PLXNA4: variants seen among roughly 807,000 people sequenced by gnomAD.
PLXNA4 encodes plexin A4.
PLXNA4 carries 44 observed loss-of-function variants against 191.8 expected under a neutral mutation model. That is an observed-to-expected ratio of 0.23 (90% confidence interval 0.18 to 0.29). The LOEUF is 0.29. Among genes scored for constraint, PLXNA4 ranks in the 10% least tolerant of loss-of-function variants. The pLI is 1.00. For synonymous variants in PLXNA4, 1,082 were observed against 1,009.5 expected, an observed-to-expected ratio of 1.07 and a Z score of -1.36; for missense variants, 1,800 against 2,488.8, an observed-to-expected ratio of 0.72 and a Z score of 5.89.
At position 132,345,468 on chromosome 7, in the gene PLXNA4, C is replaced by T. The variant is rs190491677; in HGVS notation, c.1372-47246G>A. On this transcript the variant is annotated intron_variant, in intron 3 of 31. Coordinates refer to ENST00000321063, the MANE Select transcript of PLXNA4 (RefSeq NM_020911.2). ...TCTCCTGCAGAAAAACATGTTACAT[C>T]TCATCCACAATTACAACAACTACCT... Among the ~76,000 whole-genome samples the T allele has an allele frequency of 4.5e-4, 68 of 152,312 alleles. 2 individuals carry two copies. Among genetic ancestry groups the T allele is most frequent in the Admixed American group, 4.4e-3 (68 of 15,292 alleles).
chr7:132,237,793 C>T (rs1156351345), intron 5 of PLXNA4, among the ~76,000 whole-genome samples: 2 of 152,180 alleles, frequency 1.3e-5, no homozygotes, highest in African/African-American at 2.4e-5. Flanking sequence ...AAGTTTCTGA[C>T]ATACGGAGTT....
intron 1 of PLXNA4, among the ~76,000 whole-genome samples, chr7:132,526,729 A>AATC (rs1404579363): frequency 1.3e-5 from 2 of 152,148 alleles, no homozygotes; most frequent in African/African-American, 4.8e-5. Flanking sequence ...GAAGGAGGTG[A>AATC]ACATTTATGG....
intron 3 of PLXNA4, among the ~76,000 whole-genome samples, chr7:132,483,518 A>G (rs1456315640): frequency 6.6e-6 from 1 of 152,204 alleles, no homozygotes; most frequent in East Asian, 1.9e-4. Flanking sequence ...ACAATATTTT[A>G]CTTCAATTGC....
At chr7:132,372,451 T>C (rs936635787) in intron 3 of PLXNA4, among the ~76,000 whole-genome samples, 8 of 152,246 alleles carry the variant, frequency 5.3e-5, no homozygotes, top group Non-Finnish European at 2.9e-5. Context: ...GATTTGTGGA[T>C]GACAGTCCTC....
intron 1 of PLXNA4, among the ~76,000 whole-genome samples, chr7:132,528,450 A>G (rs1799497155): frequency 1.3e-5 from 2 of 152,206 alleles, no homozygotes; most frequent in Admixed American, 6.5e-5. Flanking sequence ...CATGATTGGA[A>G]TAAGCCAATG....
intron 25 of PLXNA4, among the ~76,000 whole-genome samples, chr7:132,158,481 G>T (rs1044297237): frequency 6.6e-6 from 1 of 152,092 alleles, no homozygotes; most frequent in Non-Finnish European, 1.5e-5. Context: ...CAACAAACAG[G>T]CACAGACAGT....
chr7:132,226,497 G>C (rs988074332), intron 7 of PLXNA4, among the ~76,000 whole-genome samples: 38 of 152,246 alleles, frequency 2.5e-4, no homozygotes, highest in African/African-American at 8.4e-4. Context: ...TACACACACA[G>C]ATGCACACTG....
intron 2 of PLXNA4, among the ~76,000 whole-genome samples, chr7:132,639,188 A>T (rs565715415): frequency 1.2e-3 from 189 of 152,324 alleles, no homozygotes; most frequent in Middle Eastern, 6.8e-3. Flanking sequence ...GTGCTGATCC[A>T]TCCTCCATAT....
At chr7:132,529,182 C>A (rs1799527368) in intron 1 of PLXNA4, among the ~76,000 whole-genome samples, 1 of 152,208 alleles carries the variant, frequency 6.6e-6, no homozygotes, top group Admixed American at 6.5e-5. Context: ...CCCTACCTGG[C>A]AGCCACTGGC....
intron 8 of PLXNA4, among the ~76,000 whole-genome samples, chr7:132,225,177 C>T (rs906939802): frequency 6.6e-5 from 10 of 152,202 alleles, no homozygotes; most frequent in African/African-American, 2.4e-4. Context: ...CATTCACAAC[C>T]TGGTCCAACC....
intron 23 of PLXNA4, among the ~76,000 whole-genome samples, chr7:132,164,552 T>C (rs1796043314): frequency 6.6e-6 from 1 of 152,120 alleles, no homozygotes; most frequent in Non-Finnish European, 1.5e-5. Flanking sequence ...GGGCTCTTTC[T>C]TCCTCCCCCG....
In PLXNA4 at chr7:132,146,466, C is replaced by T. The variant is rs1419534466; in HGVS notation, c.5055+44G>A. On this transcript the variant is annotated intron_variant, in intron 28 of 31. Coordinates refer to ENST00000321063, the MANE Select transcript of PLXNA4 (RefSeq NM_020911.2). ...TTCTGTGGGCTGATGAAGTCCCTCT[C>T]CATAGCCTCTGGGCTCCCTGCACCC... 3 of 1,614,010 alleles carry T rather than the reference C, an allele frequency of 1.9e-6. No homozygotes were observed. In the African/African-American group the frequency reaches 4.0e-5, roughly 22 times the overall value.
intron 1 of PLXNA4, among the ~76,000 whole-genome samples, chr7:132,511,386 A>G (rs577756084): frequency 1.3e-5 from 2 of 152,250 alleles, no homozygotes; most frequent in Admixed American, 1.3e-4. Flanking sequence ...TGCAAAATCC[A>G]TACTTTTCTA....
At chr7:132,572,907 A>G (rs1802045231) in intron 1 of PLXNA4, among the ~76,000 whole-genome samples, 2 of 152,224 alleles carry the variant, frequency 1.3e-5, no homozygotes, top group Non-Finnish European at 2.9e-5. Flanking sequence ...TCTCCCAAAC[A>G]GCCATTTATT....
At chr7:132,613,604 A>G (rs1803095044) in intron 2 of PLXNA4, among the ~76,000 whole-genome samples, 1 of 152,132 alleles carries the variant, frequency 6.6e-6, no homozygotes, top group Non-Finnish European at 1.5e-5. Flanking sequence ...TGTGTCAGTG[A>G]GTGGGCGACG....
chr7:132,474,962 G>C (rs1797070615), intron 3 of PLXNA4, among the ~76,000 whole-genome samples: 1 of 152,152 alleles, frequency 6.6e-6, no homozygotes, highest in African/African-American at 2.4e-5. Context: ...TGGAGGGAGG[G>C]TGCATACATT....
chr7:132,480,863 C>T (rs1020865756), intron 3 of PLXNA4, among the ~76,000 whole-genome samples: 13 of 152,174 alleles, frequency 8.5e-5, no homozygotes, highest in South Asian at 2.1e-4. Context: ...GGAGTCCCGT[C>T]GTTTCTAAGG....
chr7:132,251,616 C>CTTCTAGCAAG (rs1370362960), intron 4 of PLXNA4, among the ~76,000 whole-genome samples: 2 of 152,184 alleles, frequency 1.3e-5, no homozygotes, highest in Non-Finnish European at 1.5e-5. Flanking sequence ...CTCTGCTGAC[C>CTTCTAGCAAG]AGCGTTCCCA....
chr7:132,520,832 C>T (rs920537875), intron 1 of PLXNA4, among the ~76,000 whole-genome samples: 3 of 152,098 alleles, frequency 2.0e-5, no homozygotes, highest in Admixed American at 6.5e-5. Flanking sequence ...AGTCTTCACT[C>T]GAGGAAGCCC....
Sources: allele counts gnomAD v4.1 joint callset (sites outside exome capture counted in the v4.1 genomes callset), GRCh38; gene constraint gnomAD v4.1.1; transcripts MANE v1.5; gene names NCBI Gene and HGNC (gene_info 2026-07-23, HGNC 2026-07-21).